TMEM45B: variants seen among roughly 807,000 people sequenced by gnomAD.
The protein encoded by TMEM45B is transmembrane protein 45B.
In TMEM45B, 29 loss-of-function variants were observed where a neutral mutation model predicts 27.3. The observed-to-expected ratio is 1.06, with a 90% CI of 0.79 to 1.45. TMEM45B has a LOEUF of 1.45. Among genes scored for constraint, TMEM45B ranks in the 40% most tolerant of loss-of-function variants. TMEM45B has a pLI of 0.00. For synonymous variants in TMEM45B, 143 were observed against 134.7 expected, an observed-to-expected ratio of 1.06 and a Z score of -0.43; for missense variants, 348 against 343.9, an observed-to-expected ratio of 1.01 and a Z score of -0.09.
intron 1 of TMEM45B, among the ~76,000 whole-genome samples, chr11:129,846,441 G>C (rs59738098): frequency 0.033 from 4,983 of 151,176 alleles, 258 homozygotes; most frequent in African/African-American, 0.12. Context: ...ACTCCAGCCT[G>C]GGCGACAGAG....
intron 1 of TMEM45B, among the ~76,000 whole-genome samples, chr11:129,847,346 GTCTT>G (rs1348416963): frequency 2.0e-5 from 3 of 152,100 alleles, no homozygotes; most frequent in East Asian, 3.9e-4. Context: ...TTCACTATAA[GTCTT>G]TCATACGAGT....
chr11:129,816,216 T>A (rs1219129393), intron 1 of TMEM45B, among the ~76,000 whole-genome samples: 1 of 152,032 alleles, frequency 6.6e-6, no homozygotes, highest in African/African-American at 2.4e-5. Context: ...CGAATATTGC[T>A]CAGTCCCCCG....
At chr11:129,831,140 A>G (rs1947542267) in intron 1 of TMEM45B, among the ~76,000 whole-genome samples, 1 of 152,252 alleles carries the variant, frequency 6.6e-6, no homozygotes, top group African/African-American at 2.4e-5. Flanking sequence ...TATGTGTACT[A>G]GAACAATTAC....
rs200040338 is a variant in TMEM45B, at chr11:129,837,585, C to CTTTTTTTTTTTTTTTTTTTTTTTTTTTT, written c.-8-14875_-8-14874insTTTTTTTTTTTTTTTTTTTTTTTTTTTT. On this transcript the variant is annotated intron_variant, in intron 1 of 5. Transcript: ENST00000281441. ...TACAGGCATGAGCCACTGCACTGGG[C>CTTTTTTTTTTTTTTTTTTTTTTTTTTTT]TTTTTTTTTTTTTTTGAGACAGGGT... is the stretch of plus-strand genomic sequence containing the variant. Among the ~76,000 whole-genome samples, 47 of 80,278 alleles carry CTTTTTTTTTTTTTTTTTTTTTTTTTTTT rather than the reference C, an allele frequency of 5.9e-4. 9 individuals carry two copies. Among genetic ancestry groups the CTTTTTTTTTTTTTTTTTTTTTTTTTTTT allele is most frequent in the Admixed American group, 1.5e-3 (9 of 5,894 alleles). 52.7% of individuals were successfully genotyped at this position (80,278 alleles called of 152,430 possible). A position where few individuals can be genotyped will look rare whatever the true frequency, so the allele number is the denominator to read the frequency against.
chr11:129,846,217 C>T (rs898973956), intron 1 of TMEM45B, among the ~76,000 whole-genome samples: 5 of 152,170 alleles, frequency 3.3e-5, no homozygotes, highest in Admixed American at 3.3e-4. Context: ...CCTGTAATCC[C>T]AGCATGTTGG....
chr11:129,847,023 G>C (rs902746680), intron 1 of TMEM45B, among the ~76,000 whole-genome samples: 1 of 152,208 alleles, frequency 6.6e-6, no homozygotes, highest in Non-Finnish European at 1.5e-5. Context: ...GATTTACAGA[G>C]CCATGATAAT....
At chr11:129,838,488 A>T (rs1013739835) in intron 1 of TMEM45B, among the ~76,000 whole-genome samples, 23 of 152,162 alleles carry the variant, frequency 1.5e-4, no homozygotes, top group African/African-American at 5.3e-4. Flanking sequence ...TGTGAGACGG[A>T]GTTTCGCTCT....
At chr11:129,837,126 G>A (rs1196876602) in intron 1 of TMEM45B, among the ~76,000 whole-genome samples, 1 of 151,936 alleles carries the variant, frequency 6.6e-6, no homozygotes, top group Non-Finnish European at 1.5e-5. Context: ...AGTCCTGAAG[G>A]GAGAAGAGAA....
At chr11:129,845,713 G>A (rs748641834) in intron 1 of TMEM45B, among the ~76,000 whole-genome samples, 19 of 152,084 alleles carry the variant, frequency 1.2e-4, no homozygotes, top group East Asian at 3.9e-4. Context: ...TAAATAAACC[G>A]TCCCAATAAA....
Position 129,854,754 on chromosome 11 carries a change from T to C in TMEM45B, c.323T>C (p.Leu108Pro). Residue 108 changes from leucine (L) to proline (P), a missense_variant, in exon 3 of 6, where the codon CTG becomes CCG. By Grantham distance (98) the Leu-to-Pro change is moderately conservative (BLOSUM62 -3). Coordinates refer to ENST00000281441, the MANE Select transcript of TMEM45B (RefSeq NM_138788.5). ...VSGIVDMLTY[L>P]VSHVPLGVDR... ...GGAATTGTTGACATGCTCACCTATC[T>C]GGTCAGCCACGTTCCCTTGGGGGTG... 1 of 1,614,220 alleles carries C rather than the reference T, an allele frequency of 6.2e-7. No homozygotes were observed. Among genetic ancestry groups the C allele is most frequent in the East Asian group, 2.2e-5 (1 of 44,880 alleles).
At chr11:129,851,448 G>T (rs937012573) in intron 1 of TMEM45B, among the ~76,000 whole-genome samples, 3 of 146,658 alleles carry the variant, frequency 2.0e-5, no homozygotes, top group Non-Finnish European at 3.0e-5. Flanking sequence ...GGAGGCTGAG[G>T]CAGGAGAATC....
intron 1 of TMEM45B, among the ~76,000 whole-genome samples, chr11:129,848,383 C>T (rs560989608): frequency 3.9e-5 from 6 of 152,336 alleles, no homozygotes; most frequent in South Asian, 4.1e-4. Context: ...CGTGGCGGCG[C>T]GGGCCTGCAA....
At chr11:129,855,569 C>T (rs764198373) in intron 3 of TMEM45B, 139 bp from the exon 4 acceptor site, 73 of 771,754 alleles carry the variant, frequency 9.5e-5, no homozygotes, top group Admixed American at 8.6e-5. Context: ...TACACTTACT[C>T]GCATCTGTTT....
rs571662723 is a variant in TMEM45B at position 129,848,268 on chromosome 11, C to T, written c.-8-4207C>T. 2.0e-3 allele frequency among the ~76,000 whole-genome samples: 306 copies of T among 151,540 alleles called. 2 individuals carry two copies. Among genetic ancestry groups the T allele is most frequent in the African/African-American group, 6.7e-3 (275 of 41,198 alleles). On this transcript the variant is annotated intron_variant, in intron 1 of 5. Transcript: ENST00000281441. The stretch of plus-strand genomic sequence containing the variant: ...GACTCCGTCTGCAATCCCGGCACCT[C>T]GGGAGGCCGAGGCTGGCGGATCACT...
At position 129,816,154 on chromosome 11, in the gene TMEM45B, A is replaced by C. The variant is rs187383444; in HGVS notation, c.-9+256A>C. On this transcript the variant is annotated intron_variant, in intron 1 of 5. Coordinates refer to ENST00000281441, the MANE Select transcript of TMEM45B (RefSeq NM_138788.5). ...TCCGGGCTGCGGAACCGGTGCGCACACTACTCCCACCGCCCCCGAGTGCCT... is the reference window on the plus strand; with the variant it reads ...TCCGGGCTGCGGAACCGGTGCGCACCCTACTCCCACCGCCCCCGAGTGCCT... Among the ~76,000 whole-genome samples the C allele has an allele frequency of 5.9e-5, 9 of 152,214 alleles. No homozygotes were observed. The East Asian group carries it at 1.6e-3, about 26-fold the overall frequency.
chr11:129,817,327 G>A (rs1375579437), intron 1 of TMEM45B, among the ~76,000 whole-genome samples: 7 of 152,198 alleles, frequency 4.6e-5, no homozygotes, highest in African/African-American at 7.2e-5. Context: ...TTAGGTAGGG[G>A]CCCAGGGGCG....
At chr11:129,858,524 G>A in intron 5 of TMEM45B, 50 bp from the exon 6 acceptor site, 2 of 1,368,380 alleles carry the variant, frequency 1.5e-6, no homozygotes, top group South Asian at 1.3e-5. Context: ...CCTTGGTAAT[G>A]GATTAAGGGA....
intron 1 of TMEM45B, among the ~76,000 whole-genome samples, chr11:129,817,875 G>A (rs1042772984): frequency 2.6e-5 from 4 of 152,168 alleles, no homozygotes; most frequent in African/African-American, 9.7e-5. Context: ...AAATGGGTGA[G>A]GACAGTTTCA....
chr11:129,845,876 T>TC (rs1947754225), intron 1 of TMEM45B, among the ~76,000 whole-genome samples: 1 of 152,054 alleles, frequency 6.6e-6, no homozygotes, highest in Admixed American at 6.5e-5. Context: ...AAAAGCCTCT[T>TC]CTGGAAGCTG....
Sources: gnomAD v4.1 joint callset for allele counts (sites outside exome capture counted in the v4.1 genomes callset) on GRCh38, gnomAD v4.1.1 for gene constraint, MANE v1.5 for transcripts, NCBI Gene and HGNC (gene_info 2026-07-23, HGNC 2026-07-21) for gene names.